GALNT17: variants seen among roughly 807,000 people sequenced by gnomAD.
GALNT17 encodes the protein polypeptide N-acetylgalactosaminyltransferase 17, also known as UDP-GalNAc:polypeptide N-acetylgalactosaminyltransferase-like 3.
A neutral mutation model predicts 63.7 loss-of-function variants in GALNT17; 29 were observed. That is an observed-to-expected ratio of 0.46 (90% CI 0.34 to 0.62). GALNT17 has a LOEUF of 0.62. GALNT17 is among the 20% of genes least tolerant of loss of function. The probability of loss-of-function intolerance (pLI) is 0.01; values close to 1 mark genes in which losing one functional copy is unlikely to be tolerated. For synonymous variants in GALNT17, 305 were observed against 318.3 expected (o/e 0.96, Z 0.45); for missense variants, 603 against 799.6 (o/e 0.75, Z 2.97).
intron 9 of GALNT17, among the ~76,000 whole-genome samples, chr7:71,696,145 C>T (rs996523258): frequency 2.6e-5 from 4 of 152,164 alleles, no homozygotes; most frequent in Non-Finnish European, 5.9e-5. Context: ...TAGGATCTTG[C>T]TCTGTCACCT....
chr7:71,690,418 G>A (rs936387220), intron 9 of GALNT17, among the ~76,000 whole-genome samples: 1 of 152,016 alleles, frequency 6.6e-6, no homozygotes, highest in South Asian at 2.1e-4. Context: ...ATTGATAATG[G>A]TCACCTAGGA....
At chr7:71,456,690 C>T (rs1390297169) in intron 5 of GALNT17, among the ~76,000 whole-genome samples, 1 of 152,106 alleles carries the variant, frequency 6.6e-6, no homozygotes, top group Non-Finnish European at 1.5e-5. Context: ...AAAACAAAGC[C>T]TCTCTGTAGA....
chr7:71,694,359 A>AGT (rs373913968), intron 9 of GALNT17, among the ~76,000 whole-genome samples: 2 of 138,692 alleles, frequency 1.4e-5, no homozygotes, highest in Non-Finnish European at 3.0e-5. Flanking sequence ...AATTATCCCA[A>AGT]TTTTTTTTTT....
chr7:71,509,466 G>T (rs1040056301), intron 5 of GALNT17, among the ~76,000 whole-genome samples: 1 of 152,128 alleles, frequency 6.6e-6, no homozygotes, highest in African/African-American at 2.4e-5. Context: ...CCCCATTCTG[G>T]GTATTTATAA....
At chr7:71,460,027 A>T in intron 5 of GALNT17, among the ~76,000 whole-genome samples, 1 of 152,136 alleles carries the variant, frequency 6.6e-6, no homozygotes, top group South Asian at 2.1e-4. Flanking sequence ...GACCAAACCA[A>T]TGTAGTTCTC....
chr7:71,619,719 A>G (rs1181623831), intron 6 of GALNT17, among the ~76,000 whole-genome samples: 1 of 152,178 alleles, frequency 6.6e-6, no homozygotes, highest in Non-Finnish European at 1.5e-5. Context: ...TTCTAGATAT[A>G]CAGTTTTATT....
At chr7:71,179,753 C>A (rs917777224) in intron 1 of GALNT17, among the ~76,000 whole-genome samples, 1 of 152,182 alleles carries the variant, frequency 6.6e-6, no homozygotes, top group African/African-American at 2.4e-5. Context: ...TACATCAAGC[C>A]AGTTACAGTT....
At position 71,388,216 on chromosome 7, in the gene GALNT17, C is replaced by T; in HGVS notation, c.423-19C>T. On this transcript the variant is annotated intron_variant, in intron 2 of 10. Transcript: ENST00000333538. ...TTATCCTTCCTCTGACTCTGCATTT[C>T]CGATCTCTCCTTCCCCAGGTGTAAG... 1 of 1,609,516 alleles carries T rather than the reference C, an allele frequency of 6.2e-7. No individual in the cohort carries two copies. The highest frequency in any genetic ancestry group is 2.2e-5 in the East Asian group (1 of 44,716).
chr7:71,402,680 A>C (rs1793260700), intron 3 of GALNT17, among the ~76,000 whole-genome samples: 1 of 149,620 alleles, frequency 6.7e-6, no homozygotes, highest in South Asian at 2.1e-4. Context: ...GGTTGAAAGC[A>C]AGATGGCTGA....
chr7:71,343,967 A>G (rs1792048341), intron 2 of GALNT17, among the ~76,000 whole-genome samples: 1 of 151,946 alleles, frequency 6.6e-6, no homozygotes, highest in African/African-American at 2.4e-5. Flanking sequence ...ATTACTAAAA[A>G]TGATTTTTTG....
chr7:71,608,496 G>C (rs1201425758), intron 6 of GALNT17, among the ~76,000 whole-genome samples: 1 of 152,122 alleles, frequency 6.6e-6, no homozygotes, highest in Non-Finnish European at 1.5e-5. Context: ...AATACAAGTA[G>C]TATCAACATA....
intron 5 of GALNT17, among the ~76,000 whole-genome samples, chr7:71,487,716 T>G (rs943078399): frequency 1.6e-4 from 25 of 152,250 alleles, no homozygotes; most frequent in African/African-American, 5.8e-4. Context: ...TATAGTAGTA[T>G]TAAAAATAAT....
chr7:71,182,645 A>G (rs901816472), intron 1 of GALNT17, among the ~76,000 whole-genome samples: 10 of 152,218 alleles, frequency 6.6e-5, no homozygotes, highest in Non-Finnish European at 1.0e-4. Flanking sequence ...TTTTGAGAAC[A>G]CTGCATGTTC....
intron 1 of GALNT17, among the ~76,000 whole-genome samples, chr7:71,238,416 G>A (rs1789935375): frequency 6.6e-6 from 1 of 152,154 alleles, no homozygotes; most frequent in African/African-American, 2.4e-5. Flanking sequence ...CTGGAGTGCA[G>A]TGGTGTGACC....
At chr7:71,236,757 C>T (rs1236495564) in intron 1 of GALNT17, among the ~76,000 whole-genome samples, 1 of 152,192 alleles carries the variant, frequency 6.6e-6, no homozygotes, top group Non-Finnish European at 1.5e-5. Flanking sequence ...CTTGACCTCC[C>T]TCGCAGCACT....
At chr7:71,539,803 C>T (rs1027657433) in intron 5 of GALNT17, among the ~76,000 whole-genome samples, 2 of 139,270 alleles carry the variant, frequency 1.4e-5, no homozygotes, top group African/African-American at 2.6e-5. Flanking sequence ...TGGGCTCAAG[C>T]GGTCTTCCTG....
At chr7:71,639,508 A>G (rs1562719243) in intron 6 of GALNT17, among the ~76,000 whole-genome samples, 1 of 152,114 alleles carries the variant, frequency 6.6e-6, no homozygotes, top group Admixed American at 6.5e-5. Context: ...AGGTTCTGAC[A>G]CTGAGCGATT....
chr7:71,475,951 T>C (rs1787715469), intron 5 of GALNT17, among the ~76,000 whole-genome samples: 1 of 152,066 alleles, frequency 6.6e-6, no homozygotes, highest in African/African-American at 2.4e-5. Context: ...AAAGTAAGCA[T>C]TACTATATAA....
intron 1 of GALNT17, among the ~76,000 whole-genome samples, chr7:71,290,001 C>A (rs987285508): frequency 6.6e-6 from 1 of 152,030 alleles, no homozygotes; most frequent in Non-Finnish European, 1.5e-5. Flanking sequence ...GCTGACATAG[C>A]GCCACTGCAC....
Sources: allele counts gnomAD v4.1 joint callset (sites outside exome capture counted in the v4.1 genomes callset), GRCh38; gene constraint gnomAD v4.1.1; transcripts MANE v1.5; gene names NCBI Gene and HGNC (gene_info 2026-07-23, HGNC 2026-07-21).